GLI2: variants seen among roughly 807,000 people sequenced by gnomAD.
GLI2 encodes the protein GLI family zinc finger 2, also known as transcription activator GLI2.
In GLI2, 22 loss-of-function variants were observed where a neutral mutation model predicts 78.9. That is an observed-to-expected ratio of 0.28 (90% CI 0.20 to 0.40). GLI2 has a LOEUF of 0.40. GLI2 is among the 10% of genes least tolerant of loss of function. GLI2 has a pLI of 1.00. For missense variants in GLI2, 2,097 were observed against 2,213.2 expected, an observed-to-expected ratio of 0.95 and a Z score of 1.05; for synonymous variants, 974 against 963.7, an observed-to-expected ratio of 1.01 and a Z score of -0.20.
rs567977241 is a variant in GLI2 at position 120,795,547 on chromosome 2, A to C, written c.-30-1744A>C. 1.4e-3 allele frequency among the ~76,000 whole-genome samples: 205 copies of C among 151,830 alleles called. 4 individuals carry two copies. In the East Asian group the frequency reaches 0.037, roughly 27 times the overall value. Reference sequence around the variant, plus strand: ...AAAATAAAAAAATGAAAAAAAAAAAAACAACATAAAACAGAAAAGTTATAG... The same window carrying C: ...AAAATAAAAAAATGAAAAAAAAAAACACAACATAAAACAGAAAAGTTATAG... On this transcript the variant is annotated intron_variant, in intron 1 of 13. Coordinates refer to ENST00000361492, the MANE Select transcript of GLI2 (RefSeq NM_001374353.1).
chr2:120,875,321 G>T (rs969074146), intron 2 of GLI2, among the ~76,000 whole-genome samples: 1 of 152,242 alleles, frequency 6.6e-6, no homozygotes, highest in Non-Finnish European at 1.5e-5. Flanking sequence ...CATCTAGAGG[G>T]AAGGCCCATA....
At position 120,758,488 on chromosome 2, in the gene GLI2, T is replaced by C. The variant is rs111499699; in HGVS notation, c.-31+22203T>C. Among the ~76,000 whole-genome samples, 627 of 152,268 alleles carry C rather than the reference T, an allele frequency of 4.1e-3. 6 individuals carry two copies. Among genetic ancestry groups the C allele is most frequent in the African/African-American group, 0.014 (592 of 41,544 alleles). On this transcript the variant is annotated intron_variant, in intron 1 of 13. Transcript: ENST00000361492. Reference sequence around the variant, plus strand: ...CCTGGCTGCAGGACCGAGGACCCTCTCTTGTGAGGGAGTGCTGGGGCCTAG... The same window carrying C: ...CCTGGCTGCAGGACCGAGGACCCTCCCTTGTGAGGGAGTGCTGGGGCCTAG...
At chr2:120,988,086 C>T (rs984582289) in intron 13 of GLI2, 122 bp from the exon 14 acceptor site, 5 of 785,808 alleles carry the variant, frequency 6.4e-6, no homozygotes, top group African/African-American at 1.8e-5. Flanking sequence ...GCATGCATCT[C>T]CTGAGTGCGC....
chr2:120,811,511 G>T (rs537041628), intron 2 of GLI2, among the ~76,000 whole-genome samples: 17 of 152,340 alleles, frequency 1.1e-4, no homozygotes, highest in African/African-American at 4.1e-4. Context: ...GAGCTACTGG[G>T]AAGGTGGAGG....
At chr2:120,845,011 A>G (rs1380025698) in intron 2 of GLI2, among the ~76,000 whole-genome samples, 2 of 152,070 alleles carry the variant, frequency 1.3e-5, no homozygotes, top group African/African-American at 4.8e-5. Flanking sequence ...GGTGGCTCAT[A>G]TCTATAATCC....
chr2:120,758,765 C>T (rs34152229), intron 1 of GLI2, among the ~76,000 whole-genome samples: 22,393 of 152,150 alleles, frequency 0.15, 1,670 homozygotes, highest in Middle Eastern at 0.22. Flanking sequence ...GGGGAGCCCA[C>T]CATCCAAAGG....
chr2:120,828,404 T>C (rs1047296054), intron 2 of GLI2, among the ~76,000 whole-genome samples: 4 of 152,274 alleles, frequency 2.6e-5, no homozygotes, highest in Non-Finnish European at 4.4e-5. Flanking sequence ...GTGGAAAATA[T>C]GTTGGTTTTA....
At chr2:120,805,695 C>T (rs1381624477) in intron 2 of GLI2, among the ~76,000 whole-genome samples, 2 of 152,192 alleles carry the variant, frequency 1.3e-5, no homozygotes, top group Admixed American at 6.5e-5. Context: ...ACAGCTGTCC[C>T]TCAACCTGGC....
At chr2:120,963,665 G>A (rs1487892621) in intron 5 of GLI2, among the ~76,000 whole-genome samples, 1 of 152,134 alleles carries the variant, frequency 6.6e-6, no homozygotes, top group Non-Finnish European at 1.5e-5. Context: ...GGCCCTCCCT[G>A]TGCCTTCCTG....
At chr2:120,874,452 C>T (rs919077752) in intron 2 of GLI2, among the ~76,000 whole-genome samples, 4 of 152,218 alleles carry the variant, frequency 2.6e-5, no homozygotes, top group Non-Finnish European at 5.9e-5. Flanking sequence ...CAGCCGCAGC[C>T]CCCGTCTGTG....
chr2:120,878,877 G>A (rs1340367973), intron 2 of GLI2, among the ~76,000 whole-genome samples: 2 of 150,988 alleles, frequency 1.3e-5, no homozygotes, highest in African/African-American at 4.9e-5. Flanking sequence ...GCAGTGAACC[G>A]AGATCACACC....
chr2:120,868,290 G>C (rs1688252652), intron 2 of GLI2, among the ~76,000 whole-genome samples: 1 of 152,238 alleles, frequency 6.6e-6, no homozygotes. Context: ...TTCGCGTGAG[G>C]AATGAATTTG....
intron 2 of GLI2, among the ~76,000 whole-genome samples, chr2:120,821,385 C>G (rs562684535): frequency 1.2e-4 from 19 of 152,268 alleles, no homozygotes; most frequent in African/African-American, 4.3e-4. Context: ...GGGTGAACTT[C>G]TACTGTGAAA....
intron 2 of GLI2, among the ~76,000 whole-genome samples, chr2:120,821,313 G>A (rs1573430964): frequency 1.3e-5 from 2 of 152,290 alleles, no homozygotes; most frequent in South Asian, 4.1e-4. Context: ...CTATTTGACT[G>A]GATGTTGGGA....
At chr2:120,835,981 T>A (rs893646582) in intron 2 of GLI2, among the ~76,000 whole-genome samples, 3 of 152,140 alleles carry the variant, frequency 2.0e-5, no homozygotes, top group Non-Finnish European at 2.9e-5. Flanking sequence ...GGAGTGTGCA[T>A]TGTTTATAGA....
At chr2:120,803,928 C>A (rs1230295548) in intron 2 of GLI2, among the ~76,000 whole-genome samples, 2 of 152,214 alleles carry the variant, frequency 1.3e-5, no homozygotes, top group East Asian at 3.9e-4. Flanking sequence ...GTAGTACTGG[C>A]GGGGCTGTGA....
intron 2 of GLI2, among the ~76,000 whole-genome samples, chr2:120,905,980 C>T (rs1036967785): frequency 2.6e-5 from 4 of 151,928 alleles, no homozygotes; most frequent in Admixed American, 6.6e-5. Flanking sequence ...GGCCACCCTT[C>T]GCCCAGATGG....
intron 3 of GLI2, among the ~76,000 whole-genome samples, chr2:120,940,960 T>C (rs1484909694): frequency 6.6e-6 from 1 of 152,206 alleles, no homozygotes; most frequent in African/African-American, 2.4e-5. Flanking sequence ...CCTGGGTGCA[T>C]GTGGGGCCCT....
intron 2 of GLI2, among the ~76,000 whole-genome samples, chr2:120,856,356 G>C (rs1052651262): frequency 6.6e-6 from 1 of 152,162 alleles, no homozygotes; most frequent in Non-Finnish European, 1.5e-5. Context: ...ACCCTTTGTT[G>C]CACCTTCTAG....
Sources: gnomAD v4.1 joint callset for allele counts (sites outside exome capture counted in the v4.1 genomes callset) on GRCh38, gnomAD v4.1.1 for gene constraint, MANE v1.5 for transcripts, NCBI Gene and HGNC (gene_info 2026-07-23, HGNC 2026-07-21) for gene names.